The following SV2C variants were observed in gnomAD, a reference collection of about 807,000 sequenced individuals.
The protein encoded by SV2C is synaptic vesicle glycoprotein 2C.
Under a neutral mutation model 79.7 loss-of-function variants are expected in SV2C, and 49 were observed. The observed-to-expected ratio is 0.61, with a 90% CI of 0.49 to 0.78. The LOEUF (loss-of-function observed/expected upper bound fraction) is 0.78. SV2C is among the 30% of genes least tolerant of loss of function. SV2C has a pLI of 0.00. For synonymous variants in SV2C, 334 were observed against 333.2 expected, an observed-to-expected ratio of 1.00 and a Z score of -0.03; for missense variants, 833 against 912.9, an observed-to-expected ratio of 0.91 and a Z score of 1.13.
At chr5:76,092,424 G>A (rs1170863254) in intron 1 of SV2C, among the ~76,000 whole-genome samples, 2 of 152,114 alleles carry the variant, frequency 1.3e-5, no homozygotes, top group Non-Finnish European at 2.9e-5. Flanking sequence ...CATCTAAGTT[G>A]TGAGAACGTA....
chr5:76,177,330 A>T (rs574884326), intron 2 of SV2C, among the ~76,000 whole-genome samples: 1 of 151,468 alleles, frequency 6.6e-6, no homozygotes, highest in South Asian at 2.1e-4. Context: ...ATCTTCCCTT[A>T]TATGTTCCAG....
the SV2C span, among the ~76,000 whole-genome samples, chr5:75,912,480 C>T: frequency 6.6e-6 from 1 of 152,048 alleles, no homozygotes; most frequent in Non-Finnish European, 1.5e-5. Context: ...GAGTAAGACC[C>T]TGTCTCAAAA....
At chr5:76,157,763 A>G (rs189357440) in intron 2 of SV2C, among the ~76,000 whole-genome samples, 1 of 151,966 alleles carries the variant, frequency 6.6e-6, no homozygotes, top group East Asian at 1.9e-4. Flanking sequence ...AGATATAAAT[A>G]TGTATATATA....
At chr5:76,038,819 T>A in the SV2C span, among the ~76,000 whole-genome samples, 1 of 152,236 alleles carries the variant, frequency 6.6e-6, no homozygotes, top group African/African-American at 2.4e-5. Flanking sequence ...AATCATTGCT[T>A]CTTTGCATTA....
chr5:75,849,909 T>A, the SV2C span, among the ~76,000 whole-genome samples: 3 of 152,188 alleles, frequency 2.0e-5, no homozygotes, highest in Non-Finnish European at 4.4e-5. Flanking sequence ...TTCTTTTCTT[T>A]TTTTTAAAAT....
the SV2C span, among the ~76,000 whole-genome samples, chr5:76,033,529 C>G: frequency 6.6e-6 from 1 of 152,134 alleles, no homozygotes; most frequent in South Asian, 2.1e-4. Context: ...GCTTATTTTT[C>G]TCAGGTTTGT....
At chr5:76,167,903 A>G (rs908077902) in intron 2 of SV2C, among the ~76,000 whole-genome samples, 1 of 152,194 alleles carries the variant, frequency 6.6e-6, no homozygotes, top group Admixed American at 6.5e-5. Flanking sequence ...GAAAGTCAGG[A>G]GCTCAGTATG....
intron 3 of SV2C, among the ~76,000 whole-genome samples, chr5:76,205,071 A>G (rs1196521482): frequency 1.3e-5 from 2 of 152,270 alleles, no homozygotes; most frequent in African/African-American, 4.8e-5. Context: ...ATTATTGGGG[A>G]AAATAAATGA....
the SV2C span, among the ~76,000 whole-genome samples, chr5:75,878,908 G>T: frequency 6.1e-4 from 93 of 152,296 alleles, no homozygotes; most frequent in African/African-American, 2.2e-3. Flanking sequence ...CATGGCTCCA[G>T]CATCTGCTTC....
the SV2C span, among the ~76,000 whole-genome samples, chr5:75,933,673 T>G: frequency 6.6e-6 from 1 of 152,244 alleles, no homozygotes; most frequent in South Asian, 2.1e-4. Flanking sequence ...ACCTTCTGCA[T>G]GCAGCAGGAA....
chr5:76,033,794 G>C, the SV2C span, among the ~76,000 whole-genome samples: 32 of 151,638 alleles, frequency 2.1e-4, no homozygotes, highest in Admixed American at 9.2e-4. Flanking sequence ...GAAAGTCATT[G>C]GTAGCTTGAT....
chr5:75,886,519 A>C, the SV2C span, among the ~76,000 whole-genome samples: 1,780 of 152,108 alleles, frequency 0.012, 30 homozygotes, highest in African/African-American at 0.04. Context: ...AGTTTTTCTC[A>C]TTTTCAGCCT....
chr5:76,214,261 C>G (rs953539761), intron 4 of SV2C, among the ~76,000 whole-genome samples: 1 of 152,122 alleles, frequency 6.6e-6, no homozygotes, highest in Non-Finnish European at 1.5e-5. Flanking sequence ...GAATATCCAG[C>G]TTTCCCAACA....
the SV2C span, among the ~76,000 whole-genome samples, chr5:75,865,010 C>T: frequency 6.6e-6 from 1 of 152,154 alleles, no homozygotes; most frequent in Non-Finnish European, 1.5e-5. Flanking sequence ...ACAGAAAGCT[C>T]CAGAGGGAGA....
At chr5:76,255,343 C>T (rs1483633127) in intron 4 of SV2C, among the ~76,000 whole-genome samples, 1 of 152,176 alleles carries the variant, frequency 6.6e-6, no homozygotes, top group South Asian at 2.1e-4. Flanking sequence ...AATGATAGCA[C>T]GTGGTTTGGA....
chr5:76,350,929 G>A (rs1267857295), intron 12 of SV2C, among the ~76,000 whole-genome samples: 1 of 151,584 alleles, frequency 6.6e-6, no homozygotes, highest in Non-Finnish European at 1.5e-5. Flanking sequence ...CATGAGAATC[G>A]CTTGAACCCG....
At chr5:75,911,357 A>T in the SV2C span, 94 of 1,269,560 alleles carry the variant, frequency 7.4e-5, no homozygotes, top group Non-Finnish European at 9.9e-5. Flanking sequence ...CGCACAGAAA[A>T]TGAAGGATCT....
the SV2C span, among the ~76,000 whole-genome samples, chr5:75,882,031 C>A: frequency 1.7e-4 from 25 of 150,032 alleles, no homozygotes; most frequent in South Asian, 5.0e-3. Context: ...TTGTCAAAGG[C>A]CTTTTCTGCA....
At chr5:75,906,981 T>A in the SV2C span, among the ~76,000 whole-genome samples, 1 of 152,224 alleles carries the variant, frequency 6.6e-6, no homozygotes, top group Non-Finnish European at 1.5e-5. Context: ...TCAAGAGCGC[T>A]GATATTGAGA....
Sources: allele counts gnomAD v4.1 joint callset (sites outside exome capture counted in the v4.1 genomes callset), GRCh38; gene constraint gnomAD v4.1.1; transcripts MANE v1.5; gene names NCBI Gene and HGNC (gene_info 2026-07-23, HGNC 2026-07-21).